Variants in ATP8A1 observed in about 807,000 individuals in gnomAD.
ATP8A1 encodes phospholipid-transporting ATPase IA.
ATP8A1 carries 90 observed loss-of-function variants against 177.7 expected under a neutral mutation model. That is an observed-to-expected ratio of 0.51 (90% confidence interval 0.43 to 0.60). ATP8A1 has a LOEUF of 0.60. ATP8A1 is among the 20% of genes least tolerant of loss of function. ATP8A1 has a pLI of 0.00. For synonymous variants in ATP8A1, 493 were observed against 485.9 expected (o/e 1.01, Z -0.19); for missense variants, 1,072 against 1,392.8 (o/e 0.77, Z 3.67).
intron 33 of ATP8A1, 100 bp downstream of exon 33, chr4:42,443,465 T>C: frequency 1.7e-6 from 1 of 596,918 alleles, no homozygotes; most frequent in Non-Finnish European, 3.0e-6. Context: ...TATTTTAATA[T>C]AAATCAACAA....
chr4:42,457,379 T>C (rs914828998), intron 27 of ATP8A1, among the ~76,000 whole-genome samples: 6 of 152,196 alleles, frequency 3.9e-5, no homozygotes, highest in African/African-American at 1.2e-4. Context: ...CTATTTTCCA[T>C]GAAGGCAACT....
At position 42,408,575 on chromosome 4, in the gene ATP8A1, C is replaced by T. The variant is rs1256509115; in HGVS notation, c.*4341G>A. On this transcript the variant is annotated 3_prime_UTR_variant, in exon 37 of 37. Transcript: ENST00000381668. ...ACAAACCTGAGAAAACTACTATAAC[C>T]ACAGATTCAATACTCTCCACTCATG... 6.6e-6 allele frequency: 1 copy of T among 152,084 alleles called. No homozygotes were observed. The highest frequency in any genetic ancestry group is 1.5e-5 in the Non-Finnish European group (1 of 67,988). 9.4% of individuals were successfully genotyped at this position (152,084 alleles called of 1,614,324 possible). A position where few individuals can be genotyped will look rare whatever the true frequency, so the allele number is the denominator to read the frequency against.
Position 42,606,738 on chromosome 4 carries a change from T to C in ATP8A1, c.410-6220A>G, listed in dbSNP as rs546794234. Among the ~76,000 whole-genome samples, 4 of 152,356 alleles carry C rather than the reference T, an allele frequency of 2.6e-5. No individual in the cohort carries two copies. The South Asian group carries it at 8.3e-4, about 32-fold the overall frequency. Reference sequence around the variant, plus strand: ...TCCCCCTGGTGCAAATTCTGACTTCTATTTTTTTCTACTACCACAGCAATG... The same window carrying C: ...TCCCCCTGGTGCAAATTCTGACTTCCATTTTTTTCTACTACCACAGCAATG... On this transcript the variant is annotated intron_variant, in intron 5 of 36. Coordinates refer to ENST00000381668, the MANE Select transcript of ATP8A1 (RefSeq NM_006095.2).
intron 24 of ATP8A1, among the ~76,000 whole-genome samples, chr4:42,486,560 C>T (rs540293445): frequency 3.5e-4 from 54 of 152,250 alleles, no homozygotes; most frequent in Admixed American, 5.2e-4. Context: ...AATCACAATA[C>T]GGCAAACATA....
chr4:42,533,515 C>T (rs1242724789), intron 20 of ATP8A1, among the ~76,000 whole-genome samples: 1 of 152,150 alleles, frequency 6.6e-6, no homozygotes, highest in Non-Finnish European at 1.5e-5. Flanking sequence ...CAAGGAGAGT[C>T]TCAGCTCAGA....
At chr4:42,420,969 T>C (rs28529136) in intron 35 of ATP8A1, among the ~76,000 whole-genome samples, 57,110 of 151,678 alleles carry the variant, frequency 0.38, 11,049 homozygotes, top group African/African-American at 0.45. Flanking sequence ...GGGTTTTCAC[T>C]GTGTTAGCCA....
At chr4:42,613,872 C>G (rs757371063) in intron 5 of ATP8A1, among the ~76,000 whole-genome samples, 7 of 145,874 alleles carry the variant, frequency 4.8e-5, no homozygotes, top group Non-Finnish European at 7.6e-5. Context: ...GCATGAGCCG[C>G]CCCGCCTGGC....
intron 1 of ATP8A1, among the ~76,000 whole-genome samples, chr4:42,639,547 A>G (rs1441724127): frequency 2.6e-5 from 4 of 152,220 alleles, no homozygotes; most frequent in Admixed American, 2.6e-4. Context: ...AAACCAAAAG[A>G]CAAGGTAGGG....
chr4:42,570,112 A>G (rs765421011), intron 14 of ATP8A1, among the ~76,000 whole-genome samples: 1 of 152,182 alleles, frequency 6.6e-6, no homozygotes, highest in Non-Finnish European at 1.5e-5. Context: ...TCACTTCCTA[A>G]AAGTTCAATC....
At chr4:42,596,945 T>C (rs1412068336) in intron 6 of ATP8A1, among the ~76,000 whole-genome samples, 1 of 152,176 alleles carries the variant, frequency 6.6e-6, no homozygotes. Context: ...GGAGTCACAA[T>C]GTAGTTCCTT....
At chr4:42,646,659 G>A (rs1200953755) in intron 1 of ATP8A1, among the ~76,000 whole-genome samples, 1 of 152,138 alleles carries the variant, frequency 6.6e-6, no homozygotes, top group Non-Finnish European at 1.5e-5. Context: ...CCACTAAAGT[G>A]GTGCTCTGGT....
chr4:42,600,801 G>A (rs60179407), intron 5 of ATP8A1, among the ~76,000 whole-genome samples: 27,014 of 151,988 alleles, frequency 0.18, 2,557 homozygotes, highest in Non-Finnish European at 0.21. Flanking sequence ...CTCAGCTGGA[G>A]GAGAAAGCCA....
chr4:42,535,383 G>T (rs551120379), intron 20 of ATP8A1, among the ~76,000 whole-genome samples: 30 of 152,240 alleles, frequency 2.0e-4, no homozygotes, highest in Non-Finnish European at 3.7e-4. Context: ...ATTATATAAT[G>T]ACAAAAGGAC....
At position 42,578,369 on chromosome 4, in the gene ATP8A1, A is replaced by G. The variant is rs1430612610; in HGVS notation, c.1019T>C (p.Phe340Ser). The G allele has an allele frequency of 1.2e-6, 2 of 1,612,496 alleles. No homozygotes were observed. The change falls in exon 12 of 37, where the codon TTT becomes TCT. Residue 340 changes from phenylalanine (F) to serine (S), a missense_variant. This residue lies in a region of ATP8A1 where 20 missense variants were observed against 51.3 expected (regional missense o/e 0.39). Transcript: ENST00000381668. ...GATGAAGGTCAAGAAATTCAGTCCAAAATTACTAGCGCCACCATCTGTTGG... is the reference window on the plus strand; with the variant it reads ...GATGAAGGTCAAGAAATTCAGTCCAGAATTACTAGCGCCACCATCTGTTGG... ...LNLNYGGASN[F>S]GLNFLTFIIL...
chr4:42,513,742 G>A (rs1033455369), intron 22 of ATP8A1, among the ~76,000 whole-genome samples: 4 of 152,172 alleles, frequency 2.6e-5, no homozygotes, highest in African/African-American at 9.7e-5. Context: ...AAAGGCAAGG[G>A]ACACCTGGCG....
intron 5 of ATP8A1, among the ~76,000 whole-genome samples, chr4:42,604,243 A>C (rs182891355): frequency 6.6e-6 from 1 of 152,188 alleles, no homozygotes; most frequent in East Asian, 1.9e-4. Context: ...CTCACCCCCA[A>C]ATCTAAATGA....
chr4:42,563,803 T>C (rs910856595), intron 15 of ATP8A1, among the ~76,000 whole-genome samples: 2 of 152,172 alleles, frequency 1.3e-5, no homozygotes, highest in African/African-American at 4.8e-5. Context: ...AAATCAAGAA[T>C]TGAGGTTTGG....
chr4:42,654,124 G>C (rs182108490), intron 1 of ATP8A1, among the ~76,000 whole-genome samples: 66 of 152,264 alleles, frequency 4.3e-4, no homozygotes, highest in African/African-American at 1.5e-3. Flanking sequence ...ATGAACCTTC[G>C]AGTTTGAGAA....
At chr4:42,624,773 AT>A (rs1737869200) in intron 3 of ATP8A1, 139 bp from the exon 4 acceptor site, 2 of 450,698 alleles carry the variant, frequency 4.4e-6, no homozygotes, top group Non-Finnish European at 4.0e-6. Context: ...GAGTGAGGTA[AT>A]GTGTTCGTAT....
Sources: allele counts gnomAD v4.1 joint callset (sites outside exome capture counted in the v4.1 genomes callset), GRCh38; gene constraint gnomAD v4.1.1; regional missense constraint gnomAD v4.1.1; transcripts MANE v1.5; gene names NCBI Gene and HGNC (gene_info 2026-07-23, HGNC 2026-07-21).